Variants in AOAH observed in about 807,000 individuals in gnomAD.
The protein encoded by AOAH is acyloxyacyl hydrolase.
AOAH carries 64 observed loss-of-function variants against 92.2 expected under a neutral mutation model. The observed-to-expected ratio is 0.69, with a 90% CI of 0.57 to 0.86. The LOEUF is 0.86. Among genes scored for constraint, AOAH ranks in the 40% least tolerant of loss-of-function variants. The probability of loss-of-function intolerance (pLI) is 0.00; values close to 1 mark genes in which losing one functional copy is unlikely to be tolerated. For missense variants in AOAH, 656 were observed against 694.6 expected (o/e 0.94, Z 0.62); for synonymous variants, 263 against 254.5 (o/e 1.03, Z -0.32).
At chr7:36,631,025 C>T (rs772039120) in intron 6 of AOAH, among the ~76,000 whole-genome samples, 16 of 152,178 alleles carry the variant, frequency 1.1e-4, no homozygotes, top group Non-Finnish European at 2.4e-4. Context: ...AACCTGATAG[C>T]AGCAAAGCAG....
chr7:36,529,727 G>A (rs922532804), intron 19 of AOAH, among the ~76,000 whole-genome samples: 3 of 152,136 alleles, frequency 2.0e-5, no homozygotes, highest in African/African-American at 7.2e-5. Flanking sequence ...GCTTAGCAAT[G>A]AAAATGAATC....
chr7:36,561,199 G>A (rs1268212828), intron 13 of AOAH, among the ~76,000 whole-genome samples: 1 of 151,954 alleles, frequency 6.6e-6, no homozygotes, highest in Non-Finnish European at 1.5e-5. Context: ...CCACCAGCAT[G>A]CCCAGCTAAT....
intron 2 of AOAH, among the ~76,000 whole-genome samples, chr7:36,675,277 T>C (rs1307815004): frequency 5.3e-5 from 8 of 152,152 alleles, no homozygotes; most frequent in African/African-American, 1.9e-4. Context: ...ATAAATAAAT[T>C]GTGCCTTTGA....
intron 4 of AOAH, among the ~76,000 whole-genome samples, 185 bp downstream of exon 4, chr7:36,658,981 G>T (rs1354840862): frequency 6.6e-6 from 1 of 152,188 alleles, no homozygotes; most frequent in African/African-American, 2.4e-5. Context: ...ATTCTTTCTA[G>T]CATGGTAGTA....
At chr7:36,569,569 AT>A (rs1787973870) in intron 13 of AOAH, among the ~76,000 whole-genome samples, 2 of 51,048 alleles carry the variant, frequency 3.9e-5, no homozygotes, top group African/African-American at 1.1e-4. Context: ...AGATTTACAT[AT>A]CTATCTATCT....
chr7:36,673,250 A>T (rs1481826850), intron 3 of AOAH, among the ~76,000 whole-genome samples: 1 of 152,260 alleles, frequency 6.6e-6, no homozygotes, highest in Non-Finnish European at 1.5e-5. Flanking sequence ...CAAAAAAAGA[A>T]AAATAGTAGC....
At chr7:36,720,706 C>T (rs1381233570) in intron 1 of AOAH, among the ~76,000 whole-genome samples, 2 of 152,170 alleles carry the variant, frequency 1.3e-5, no homozygotes, top group Admixed American at 6.5e-5. Flanking sequence ...CTTTACAAGG[C>T]TCCAGGTTTT....
intron 16 of AOAH, among the ~76,000 whole-genome samples, chr7:36,539,494 G>T (rs1200270546): frequency 6.6e-6 from 1 of 152,202 alleles, no homozygotes; most frequent in Non-Finnish European, 1.5e-5. Context: ...TTTTCCCATT[G>T]TAATATAAGC....
chr7:36,640,322 A>G (rs34346046), intron 4 of AOAH, among the ~76,000 whole-genome samples: 23,152 of 141,658 alleles, frequency 0.16, 1,886 homozygotes, highest in African/African-American at 0.19. Flanking sequence ...GGGGATGGGT[A>G]GGACCCACAA....
At chr7:36,644,109 G>A (rs1482552279) in intron 4 of AOAH, among the ~76,000 whole-genome samples, 1 of 152,210 alleles carries the variant, frequency 6.6e-6, no homozygotes, top group African/African-American at 2.4e-5. Context: ...AGAGAAGATT[G>A]ACAGTAAACA....
intron 9 of AOAH, 50 bp from the exon 10 acceptor site, chr7:36,618,395 A>C (rs772444652): frequency 1.4e-5 from 22 of 1,539,816 alleles, no homozygotes; most frequent in Non-Finnish European, 1.9e-5. Flanking sequence ...AATTTATGAG[A>C]TACATATACT....
intron 3 of AOAH, among the ~76,000 whole-genome samples, chr7:36,663,770 C>T (rs951664072): frequency 6.6e-6 from 1 of 152,122 alleles, no homozygotes; most frequent in Non-Finnish European, 1.5e-5. Flanking sequence ...TATCCTTGTG[C>T]AAGTTTTTGT....
At chr7:36,567,916 C>A (rs1787827086) in intron 13 of AOAH, among the ~76,000 whole-genome samples, 1 of 152,230 alleles carries the variant, frequency 6.6e-6, no homozygotes, top group South Asian at 2.1e-4. Context: ...AAAAAGAATC[C>A]TTTCCTTTAC....
chr7:36,560,382 A>T (rs2116465409), intron 13 of AOAH, among the ~76,000 whole-genome samples: 1 of 152,206 alleles, frequency 6.6e-6, no homozygotes, highest in African/African-American at 2.4e-5. Context: ...ATATTTTTCC[A>T]TTTGTTTTGT....
At chr7:36,597,237 C>T (rs1298340934) in intron 11 of AOAH, among the ~76,000 whole-genome samples, 2 of 152,168 alleles carry the variant, frequency 1.3e-5, no homozygotes, top group Non-Finnish European at 2.9e-5. Context: ...ACCATGCAGT[C>T]TCAGTGACAG....
chr7:36,615,214 A>C (rs1304321950), intron 11 of AOAH, among the ~76,000 whole-genome samples: 2 of 152,246 alleles, frequency 1.3e-5, no homozygotes, highest in Non-Finnish European at 2.9e-5. Context: ...GTGCTGTTAC[A>C]GTGGCATGTA....
intron 13 of AOAH, among the ~76,000 whole-genome samples, chr7:36,562,442 T>G (rs75072900): frequency 0.024 from 3,632 of 152,288 alleles, 135 homozygotes; most frequent in African/African-American, 0.082. Flanking sequence ...GCGATCATAG[T>G]TTGGAGAAAT....
At chr7:36,544,112 A>C (rs1162756532) in intron 15 of AOAH, among the ~76,000 whole-genome samples, 1 of 151,346 alleles carries the variant, frequency 6.6e-6, no homozygotes, top group East Asian at 1.9e-4. Flanking sequence ...ACACCCAGCT[A>C]ATTTTTCTAT....
At chr7:36,717,890 A>T (rs560083857) in intron 1 of AOAH, among the ~76,000 whole-genome samples, 1 of 151,930 alleles carries the variant, frequency 6.6e-6, no homozygotes, top group South Asian at 2.1e-4. Context: ...CTACAACAAC[A>T]ATTTTAAAAT....
Sources: gnomAD v4.1 joint callset for allele counts (sites outside exome capture counted in the v4.1 genomes callset) on GRCh38, gnomAD v4.1.1 for gene constraint, MANE v1.5 for transcripts, NCBI Gene and HGNC (gene_info 2026-07-23, HGNC 2026-07-21) for gene names.